Variants in AGBL4 observed in about 807,000 individuals in gnomAD.
AGBL4 encodes the protein AGBL carboxypeptidase 4.
AGBL4 carries 58 observed loss-of-function variants against 66.4 expected under a neutral mutation model. The observed-to-expected ratio is 0.87, with a 90% CI of 0.71 to 1.09. The LOEUF is 1.09. Ranked by LOEUF, AGBL4 falls within the 50% of genes least tolerant of loss-of-function variation. The pLI, the probability that AGBL4 is intolerant of heterozygous loss-of-function variation, is 0.00. For synonymous variants in AGBL4, 234 were observed against 222.9 expected (o/e 1.05, Z -0.44); for missense variants, 579 against 631.0 (o/e 0.92, Z 0.88).
intron 2 of AGBL4, among the ~76,000 whole-genome samples, chr1:49,727,959 A>C (rs899214751): frequency 6.6e-6 from 1 of 152,172 alleles, no homozygotes; most frequent in Non-Finnish European, 1.5e-5. Flanking sequence ...CCAGCAACAC[A>C]CATGAAAAAA....
intron 3 of AGBL4, among the ~76,000 whole-genome samples, chr1:49,384,833 TAGC>T (rs1023741032): frequency 1.3e-5 from 2 of 152,098 alleles, no homozygotes; most frequent in African/African-American, 4.8e-5. Flanking sequence ...TCTAGAAAAA[TAGC>T]AGCAATCACA....
rs564672124 is a variant in AGBL4 at position 49,248,432 on chromosome 1, T to A, written c.283-2568A>T. The stretch of plus-strand genomic sequence containing the variant: ...ATGAATTTTTTGAGACAGGAACTAT[T>A]TGTCACCTCTTGTTTACAGATGAGG... On this transcript the variant is annotated intron_variant, in intron 3 of 13. Coordinates refer to ENST00000371839, the MANE Select transcript of AGBL4 (RefSeq NM_032785.4). Among the ~76,000 whole-genome samples, 5 of 152,324 alleles carry A rather than the reference T, an allele frequency of 3.3e-5. No homozygotes were observed. The East Asian group carries it at 7.7e-4, about 24-fold the overall frequency.
At chr1:48,976,487 A>G (rs1178581733) in intron 5 of AGBL4, among the ~76,000 whole-genome samples, 3 of 152,156 alleles carry the variant, frequency 2.0e-5, no homozygotes, top group East Asian at 1.9e-4. Context: ...TGCATTTATT[A>G]TGGACTTGAA....
At chr1:49,985,504 A>C (rs1383703493) in intron 1 of AGBL4, among the ~76,000 whole-genome samples, 1 of 152,160 alleles carries the variant, frequency 6.6e-6, no homozygotes, top group African/African-American at 2.4e-5. Context: ...AGACTTTCAA[A>C]AAGTTCTGTT....
At chr1:49,090,005 T>C (rs1020091836) in intron 4 of AGBL4, among the ~76,000 whole-genome samples, 4 of 152,236 alleles carry the variant, frequency 2.6e-5, no homozygotes, top group East Asian at 1.9e-4. Context: ...ATCGTCTCAA[T>C]AGATGCAGAA....
intron 2 of AGBL4, among the ~76,000 whole-genome samples, chr1:49,756,107 T>C (rs1034521771): frequency 2.6e-5 from 4 of 152,158 alleles, no homozygotes; most frequent in South Asian, 2.1e-4. Context: ...TAAAAAAATT[T>C]TTTTGAAATA....
chr1:49,804,849 A>G (rs942265766), intron 2 of AGBL4, among the ~76,000 whole-genome samples: 14 of 152,342 alleles, frequency 9.2e-5, no homozygotes, highest in Non-Finnish European at 1.5e-4. Context: ...TCTTTACATT[A>G]GAGTATCCCT....
chr1:50,020,677 TCTA>T (rs993300678), intron 1 of AGBL4, among the ~76,000 whole-genome samples: 1 of 152,196 alleles, frequency 6.6e-6, no homozygotes, highest in African/African-American at 2.4e-5. Context: ...AAACTAATCT[TCTA>T]CTAATTCTTT....
At chr1:49,254,101 C>T (rs977861185) in intron 3 of AGBL4, among the ~76,000 whole-genome samples, 8 of 152,084 alleles carry the variant, frequency 5.3e-5, no homozygotes, top group Non-Finnish European at 5.9e-5. Flanking sequence ...CCTTGAAAAT[C>T]GGCAGAAGAC....
intron 3 of AGBL4, among the ~76,000 whole-genome samples, chr1:49,683,192 G>A (rs1365744321): frequency 6.6e-6 from 1 of 152,058 alleles, no homozygotes; most frequent in East Asian, 1.9e-4. Flanking sequence ...AGGCAAAAAA[G>A]GCACTGGCTA....
At chr1:48,967,108 T>C (rs1052042908) in intron 5 of AGBL4, among the ~76,000 whole-genome samples, 7 of 151,928 alleles carry the variant, frequency 4.6e-5, no homozygotes, top group African/African-American at 1.7e-4. Context: ...AGTTTTCTAA[T>C]AATTAGAATG....
intron 3 of AGBL4, among the ~76,000 whole-genome samples, chr1:49,287,513 A>T (rs1460148112): frequency 6.6e-6 from 1 of 151,238 alleles, no homozygotes; most frequent in African/African-American, 2.4e-5. Flanking sequence ...AAACAAATTT[A>T]CAAGAAAAAA....
At chr1:49,536,781 T>C (rs1197441534) in intron 3 of AGBL4, among the ~76,000 whole-genome samples, 1 of 152,072 alleles carries the variant, frequency 6.6e-6, no homozygotes, top group African/African-American at 2.4e-5. Context: ...TTTAAAAAGA[T>C]GACAGAAACC....
At chr1:49,636,575 T>G (rs568052507) in intron 3 of AGBL4, among the ~76,000 whole-genome samples, 1 of 152,266 alleles carries the variant, frequency 6.6e-6, no homozygotes, top group African/African-American at 2.4e-5. Context: ...CATTAAATAA[T>G]GAATATCAAC....
intron 4 of AGBL4, among the ~76,000 whole-genome samples, chr1:49,128,331 G>A (rs1333934446): frequency 6.6e-6 from 1 of 151,914 alleles, no homozygotes; most frequent in African/African-American, 2.4e-5. Context: ...TAACCTATAA[G>A]TTAAATATAA....
At chr1:48,590,715 A>G in intron 10 of AGBL4, 118 bp downstream of exon 10, 1 of 1,163,022 alleles carries the variant, frequency 8.6e-7, no homozygotes, top group Non-Finnish European at 1.2e-6. Flanking sequence ...CCCACACAAT[A>G]CCTAACACAG....
chr1:48,633,233 T>G (rs1277034457), intron 9 of AGBL4, among the ~76,000 whole-genome samples: 2 of 152,200 alleles, frequency 1.3e-5, no homozygotes, highest in Non-Finnish European at 2.9e-5. Context: ...CAGGACTGAC[T>G]TTTTCATTAA....
chr1:49,536,985 C>G (rs900064365), intron 3 of AGBL4, among the ~76,000 whole-genome samples: 3 of 150,158 alleles, frequency 2.0e-5, no homozygotes, highest in Middle Eastern at 3.4e-3. Context: ...CCAGCCTGGG[C>G]GACAAAGCAA....
chr1:49,631,493 T>G (rs1401905123), intron 3 of AGBL4, among the ~76,000 whole-genome samples: 1 of 152,186 alleles, frequency 6.6e-6, no homozygotes, highest in Non-Finnish European at 1.5e-5. Flanking sequence ...GCCCAAATCA[T>G]TGTACCTACA....
Sources: gnomAD v4.1 joint callset for allele counts (sites outside exome capture counted in the v4.1 genomes callset) on GRCh38, gnomAD v4.1.1 for gene constraint, MANE v1.5 for transcripts, NCBI Gene and HGNC (gene_info 2026-07-23, HGNC 2026-07-21) for gene names.